Variants in ZW10 observed in about 807,000 individuals in gnomAD.
ZW10 encodes zw10 kinetochore protein.
A neutral mutation model predicts 87.8 loss-of-function variants in ZW10; 53 were observed. The observed-to-expected ratio is 0.60, with a 90% CI of 0.48 to 0.76. ZW10 has a LOEUF of 0.76. Ranked by LOEUF, ZW10 falls within the 30% of genes least tolerant of loss-of-function variation. The pLI, the probability that ZW10 is intolerant of heterozygous loss-of-function variation, is 0.00. For missense variants in ZW10, 837 were observed against 923.0 expected (o/e 0.91, Z 1.21); for synonymous variants, 312 against 329.2 (o/e 0.95, Z 0.57).
At chr11:113,752,138 C>A (rs1236489462) in intron 7 of ZW10, among the ~76,000 whole-genome samples, 1 of 152,166 alleles carries the variant, frequency 6.6e-6, no homozygotes, top group Non-Finnish European at 1.5e-5. Context: ...ACATTTACTA[C>A]ATTGTTATCT....
At chr11:113,760,636 C>A (rs761252212) in intron 3 of ZW10, 46 bp from the exon 4 acceptor site, 1 of 1,495,142 alleles carries the variant, frequency 6.7e-7, no homozygotes, top group Non-Finnish European at 9.2e-7. Context: ...TATTTCAAGT[C>A]TGTTTGCTTT....
In ZW10 at chr11:113,758,582, T is replaced by C. The variant is rs762302040; in HGVS notation, c.705A>G (p.Gly235=). ...SSVLLAFSVL[G]ELHSKLKSFG... is the part of the protein sequence containing the mutation. ...ATGATTTAAGCTTGCTGTGTAGTTC[T>C]CCAAGAACAGAAAATGCCAAGAGGA... Residue 235 remains glycine (G), a synonymous_variant, in exon 6 of 16, where the codon GGA becomes GGG. Transcript: ENST00000200135. 1 of 1,614,068 alleles carries C rather than the reference T, an allele frequency of 6.2e-7. No individual in the cohort carries two copies. Among genetic ancestry groups the C allele is most frequent in the Non-Finnish European group, 8.5e-7 (1 of 1,180,002 alleles).
At position 113,741,714 on chromosome 11, in the gene ZW10, A is replaced by T. The variant is rs529318137; in HGVS notation, c.1563T>A (p.Asp521Glu). ...CTTACTTGTGATATGTTGGTACAAC[A>T]TCATGGAACAAATGGAAGATATTCC... is the stretch of plus-strand genomic sequence containing the variant. ...SVRNIFHLFH[D>E]VVPTYHKENL... Residue 521 changes from aspartate (D) to glutamate (E), a missense_variant, in exon 11 of 16, where the codon GAT becomes GAA. Transcript: ENST00000200135. The T allele has an allele frequency of 6.2e-7, 1 of 1,607,802 alleles. No homozygotes were observed. The highest frequency in any genetic ancestry group is 1.7e-5 in the Admixed American group (1 of 58,834).
Position 113,737,682 on chromosome 11 carries a change from G to A in ZW10, c.1906C>T (p.Leu636Phe). Residue 636 changes from leucine to phenylalanine, a missense_variant, in exon 14 of 16, where the codon CTT becomes TTT. Transcript: ENST00000200135. The stretch of plus-strand genomic sequence containing the variant: ...AGGACATCCTGCCACACAATTCCAA[G>A]TCTCTTTAGTTGGTGCAGTACCTGT... ...VRQVLHQLKR[L>F]GIVWQDVLPV... 2 of 1,612,992 alleles carry A rather than the reference G, an allele frequency of 1.2e-6. 1 individual carries two copies. The highest frequency in any genetic ancestry group is 2.2e-5 in the South Asian group (2 of 90,932).
At chr11:113,751,081 T>C (rs938543283) in intron 7 of ZW10, 4 of 187,808 alleles carry the variant, frequency 2.1e-5, no homozygotes, top group South Asian at 1.1e-4. Flanking sequence ...TTTTATTAGG[T>C]AGATGCCTTG....
At position 113,760,933 on chromosome 11, in the gene ZW10, A is replaced by T. The variant is rs1428219420; in HGVS notation, c.241-15T>A. ...TCCCGGCGGACCTAATTCACACATC[A>T]AAAACAAGTACTTTTAAGCTATACC... is the stretch of plus-strand genomic sequence containing the variant. On this transcript the variant is annotated splice_polypyrimidine_tract_variant and intron_variant, in intron 2 of 15. Transcript: ENST00000200135. The T allele has an allele frequency of 1.2e-6, 2 of 1,609,126 alleles. No homozygotes were observed. The highest frequency in any genetic ancestry group is 1.7e-6 in the Non-Finnish European group (2 of 1,176,030).
At chr11:113,739,115 C>G in intron 12 of ZW10, 98 bp downstream of exon 12, 2 of 1,365,988 alleles carry the variant, frequency 1.5e-6, no homozygotes, top group Non-Finnish European at 2.0e-6. Context: ...CTCAGGACCA[C>G]CACCTAATTT....
chr11:113,739,703 G>A (rs897287262), intron 11 of ZW10, among the ~76,000 whole-genome samples: 4 of 152,178 alleles, frequency 2.6e-5, no homozygotes, highest in Admixed American at 1.3e-4. Flanking sequence ...AATTTTACAC[G>A]GATACATCTA....
At position 113,733,534 on chromosome 11, in the gene ZW10, C is replaced by T. The variant is rs1410899748; in HGVS notation, c.*160G>A. The T allele has an allele frequency of 1.4e-5, 12 of 848,174 alleles. No individual in the cohort carries two copies. The highest frequency in any genetic ancestry group is 2.0e-5 in the Non-Finnish European group (11 of 545,162). The allele number at this position is 848,174 out of a possible 1,614,324, so 52.5% of individuals were successfully genotyped here. Reference sequence around the variant, plus strand: ...AATAAACAGTTCTTAAACAAAGCCTCGTACAGGCCAGGAGGTAAGACGTTC... The same window carrying T: ...AATAAACAGTTCTTAAACAAAGCCTTGTACAGGCCAGGAGGTAAGACGTTC... On this transcript the variant is annotated 3_prime_UTR_variant, in exon 16 of 16. Coordinates refer to ENST00000200135, the MANE Select transcript of ZW10 (RefSeq NM_004724.4).
Position 113,773,585 on chromosome 11 carries a change from T to A in ZW10, c.82A>T (p.Thr28Ser). Residue 28 changes from threonine (T) to serine (S), a missense_variant, in exon 1 of 16, where the codon ACC becomes TCC. Coordinates refer to ENST00000200135, the MANE Select transcript of ZW10 (RefSeq NM_004724.4). ...EDLGTRISRL[T>S]RRVEEIKGEV... ...ACCTTGATCTCCTCCACCCGCCGGGTCAGGCGGCTGATCCGGGTCCCCAGA... is the reference window on the plus strand; with the variant it reads ...ACCTTGATCTCCTCCACCCGCCGGGACAGGCGGCTGATCCGGGTCCCCAGA... 1 of 1,613,724 alleles carries A rather than the reference T, an allele frequency of 6.2e-7. No individual in the cohort carries two copies. Among genetic ancestry groups the A allele is most frequent in the Non-Finnish European group, 8.5e-7 (1 of 1,179,942 alleles).
intron 13 of ZW10, 136 bp downstream of exon 13, chr11:113,738,128 T>C: frequency 2.1e-6 from 2 of 948,922 alleles, no homozygotes; most frequent in Non-Finnish European, 2.9e-6. Context: ...AAAAGGTATC[T>C]AGATTTTCCA....
intron 11 of ZW10, among the ~76,000 whole-genome samples, chr11:113,739,932 AG>A (rs142181566): frequency 1.1e-3 from 171 of 152,340 alleles, no homozygotes; most frequent in African/African-American, 3.9e-3. Context: ...AAATCTTCCC[AG>A]GTGATTTTAA....
intron 2 of ZW10, among the ~76,000 whole-genome samples, chr11:113,763,969 C>T (rs1156491982): frequency 6.6e-6 from 1 of 152,168 alleles, no homozygotes; most frequent in African/African-American, 2.4e-5. Flanking sequence ...CCCAGGTTTT[C>T]TTCTAGGGTT....
At chr11:113,773,141 G>A (rs1177802227) in intron 1 of ZW10, among the ~76,000 whole-genome samples, 1 of 151,860 alleles carries the variant, frequency 6.6e-6, no homozygotes, top group Non-Finnish European at 1.5e-5. Flanking sequence ...AGAAGGGGAA[G>A]GGGGATCCTG....
At chr11:113,763,614 AGT>A (rs982198865) in intron 2 of ZW10, among the ~76,000 whole-genome samples, 1 of 152,132 alleles carries the variant, frequency 6.6e-6, no homozygotes, top group Admixed American at 6.6e-5. Flanking sequence ...TCTCTGATTC[AGT>A]GATGTTGAGC....
chr11:113,770,845 A>G (rs1953957434), intron 1 of ZW10, among the ~76,000 whole-genome samples: 1 of 151,100 alleles, frequency 6.6e-6, no homozygotes, highest in Non-Finnish European at 1.5e-5. Flanking sequence ...AAAAAAAAAG[A>G]AATGATGCTG....
intron 1 of ZW10, among the ~76,000 whole-genome samples, 200 bp from the exon 2 acceptor site, chr11:113,769,167 T>C (rs878982299): frequency 4.6e-5 from 7 of 151,976 alleles, no homozygotes; most frequent in Admixed American, 3.3e-4. Flanking sequence ...ATAACATTAT[T>C]AGGGTGAAAG....
intron 9 of ZW10, among the ~76,000 whole-genome samples, chr11:113,744,742 GA>G (rs1953662674): frequency 6.6e-6 from 1 of 152,034 alleles, no homozygotes; most frequent in Admixed American, 6.6e-5. Context: ...TTTTAGTAGA[GA>G]AAAGGTCTTG....
chr11:113,770,860 C>CT (rs966355967), intron 1 of ZW10, among the ~76,000 whole-genome samples: 2 of 151,190 alleles, frequency 1.3e-5, no homozygotes, highest in Admixed American at 1.3e-4. Context: ...ATGCTGCACT[C>CT]TGTGTTTGTG....
Sources: gnomAD v4.1 joint callset for allele counts (sites outside exome capture counted in the v4.1 genomes callset) on GRCh38, gnomAD v4.1.1 for gene constraint, MANE v1.5 for transcripts, NCBI Gene and HGNC (gene_info 2026-07-23, HGNC 2026-07-21) for gene names.